GALNTL6: variants seen among roughly 807,000 people sequenced by gnomAD.
GALNTL6 encodes polypeptide N-acetylgalactosaminyltransferase-like 6.
GALNTL6 carries 46 observed loss-of-function variants against 73.7 expected under a neutral mutation model. That is an observed-to-expected ratio of 0.62 (90% CI 0.49 to 0.80). The LOEUF is 0.80. Among genes scored for constraint, GALNTL6 ranks in the 30% least tolerant of loss-of-function variants. The probability of loss-of-function intolerance (pLI) is 0.00; values close to 1 mark genes in which losing one functional copy is unlikely to be tolerated. For synonymous variants in GALNTL6, 259 were observed against 263.7 expected (o/e 0.98, Z 0.17); for missense variants, 604 against 755.0 (o/e 0.80, Z 2.34).
At chr4:172,459,468 T>C (rs1206577251) in intron 5 of GALNTL6, among the ~76,000 whole-genome samples, 1 of 152,178 alleles carries the variant, frequency 6.6e-6, no homozygotes, top group African/African-American at 2.4e-5. Context: ...GAAAACCCCA[T>C]TGTCTCAGCC....
At chr4:172,020,812 C>A (rs539581005) in intron 2 of GALNTL6, among the ~76,000 whole-genome samples, 6 of 152,036 alleles carry the variant, frequency 3.9e-5, no homozygotes, top group African/African-American at 1.2e-4. Flanking sequence ...TTCCACAAGG[C>A]CTGTATTACC....
intron 8 of GALNTL6, among the ~76,000 whole-genome samples, chr4:172,890,578 T>G (rs1407726991): frequency 2.6e-5 from 4 of 152,230 alleles, no homozygotes; most frequent in Non-Finnish European, 4.4e-5. Flanking sequence ...AATTTGATTT[T>G]TTTGAATTTA....
chr4:172,151,714 T>A (rs1734091556), intron 2 of GALNTL6, among the ~76,000 whole-genome samples: 1 of 152,008 alleles, frequency 6.6e-6, no homozygotes, highest in African/African-American at 2.4e-5. Flanking sequence ...GGGATCTTGT[T>A]AAAAGGTGGA....
At chr4:172,152,192 G>A (rs1360202535) in intron 2 of GALNTL6, among the ~76,000 whole-genome samples, 1 of 152,014 alleles carries the variant, frequency 6.6e-6, no homozygotes, top group Non-Finnish European at 1.5e-5. Flanking sequence ...TGGTCAGGCT[G>A]GTCTCAAACT....
rs372612155 is a variant in GALNTL6 at position 172,377,907 on chromosome 4, C to G, written c.553+29218C>G. 3.3e-5 allele frequency among the ~76,000 whole-genome samples: 5 copies of G among 151,976 alleles called. No individual in the cohort carries two copies. The South Asian group carries it at 8.3e-4, about 25-fold the overall frequency. ...CGCTGCACGCAGCACCAGATCCCCCCCCCCATGCCTCTTCCTCCACACCTC... is the reference window on the plus strand; with the variant it reads ...CGCTGCACGCAGCACCAGATCCCCCGCCCCATGCCTCTTCCTCCACACCTC... On this transcript the variant is annotated intron_variant, in intron 5 of 12. Transcript: ENST00000506823.
rs1298500296 is a variant in GALNTL6, at chr4:172,510,630, G to C, written c.553+161941G>C. 3.7e-5 allele frequency among the ~76,000 whole-genome samples: 2 copies of C among 54,692 alleles called. 1 individual carries two copies. The highest frequency in any genetic ancestry group is 9.1e-5 in the African/African-American group (2 of 21,964). The allele number at this position is 54,692 out of a possible 152,430, so 35.9% of individuals were successfully genotyped here. ...AGTATGTCCTTTCTATGCCAATTTT[G>C]TTGAGCATTTTAATGATAAAGGGAT... On this transcript the variant is annotated intron_variant, in intron 5 of 12. Coordinates refer to ENST00000506823, the MANE Select transcript of GALNTL6 (RefSeq NM_001034845.3).
intron 2 of GALNTL6, among the ~76,000 whole-genome samples, chr4:171,873,843 CT>C (rs1736201289): frequency 1.3e-5 from 2 of 151,956 alleles, no homozygotes; most frequent in African/African-American, 4.8e-5. Context: ...TATAGATAGC[CT>C]TTGGTAACTG....
At chr4:172,810,458 T>C (rs1382984107) in intron 6 of GALNTL6, among the ~76,000 whole-genome samples, 1 of 152,176 alleles carries the variant, frequency 6.6e-6, no homozygotes, top group Admixed American at 6.5e-5. Context: ...ACTTTTATTG[T>C]AAAAATATCC....
intron 2 of GALNTL6, among the ~76,000 whole-genome samples, chr4:171,995,656 G>A (rs1243983492): frequency 6.6e-6 from 1 of 151,876 alleles, no homozygotes; most frequent in Non-Finnish European, 1.5e-5. Context: ...CATTAGAGCA[G>A]TTTCCTTTGG....
intron 2 of GALNTL6, among the ~76,000 whole-genome samples, chr4:171,886,630 T>C (rs968026703): frequency 6.6e-6 from 1 of 152,120 alleles, no homozygotes; most frequent in Non-Finnish European, 1.5e-5. Context: ...CTCAAAATCA[T>C]GGCAGAAGGT....
chr4:172,955,997 C>T (rs1035513732), intron 10 of GALNTL6, among the ~76,000 whole-genome samples: 6 of 152,068 alleles, frequency 3.9e-5, no homozygotes. Context: ...CAGGAACCAG[C>T]CATCTGGATG....
chr4:172,734,671 G>A (rs1736349748), intron 5 of GALNTL6, among the ~76,000 whole-genome samples: 1 of 152,294 alleles, frequency 6.6e-6, no homozygotes, highest in African/African-American at 2.4e-5. Context: ...ATGGGCTGGT[G>A]TTGAGTGTCT....
chr4:172,812,253 A>C (rs527244377), intron 6 of GALNTL6, among the ~76,000 whole-genome samples: 18 of 152,352 alleles, frequency 1.2e-4, no homozygotes, highest in African/African-American at 3.8e-4. Flanking sequence ...GCAAACGGAC[A>C]GTTTCCTTAC....
intron 7 of GALNTL6, among the ~76,000 whole-genome samples, chr4:172,826,124 C>A (rs939680441): frequency 6.6e-6 from 1 of 151,968 alleles, no homozygotes; most frequent in Non-Finnish European, 1.5e-5. Flanking sequence ...TGGCTCCCAA[C>A]ACATTTGGGC....
intron 7 of GALNTL6, among the ~76,000 whole-genome samples, chr4:172,840,273 A>T (rs1486064803): frequency 6.6e-6 from 1 of 152,218 alleles, no homozygotes; most frequent in Admixed American, 6.5e-5. Flanking sequence ...TCAGACGGTC[A>T]TCATATAGAA....
chr4:172,674,816 C>A (rs1332986703), intron 5 of GALNTL6, among the ~76,000 whole-genome samples: 1 of 152,144 alleles, frequency 6.6e-6, no homozygotes, highest in Non-Finnish European at 1.5e-5. Flanking sequence ...TTTTTCAGCT[C>A]TATCATGTCA....
chr4:172,581,049 A>C (rs1271073606), intron 5 of GALNTL6, among the ~76,000 whole-genome samples: 1 of 152,246 alleles, frequency 6.6e-6, no homozygotes, highest in Non-Finnish European at 1.5e-5. Context: ...GGCGTGAGCC[A>C]CTGTGCCCGG....
chr4:172,435,444 C>G (rs1731601096), intron 5 of GALNTL6, among the ~76,000 whole-genome samples: 1 of 152,104 alleles, frequency 6.6e-6, no homozygotes, highest in Non-Finnish European at 1.5e-5. Context: ...TCAACCCTTG[C>G]AGTCCTGAAA....
At chr4:172,379,889 C>T (rs1290541231) in intron 5 of GALNTL6, 1 of 506,172 alleles carries the variant, frequency 2.0e-6, no homozygotes, top group Non-Finnish European at 3.6e-6. Flanking sequence ...TGCTAATGTG[C>T]ATTTAATCAC....
Sources: gnomAD v4.1 joint callset for allele counts (sites outside exome capture counted in the v4.1 genomes callset) on GRCh38, gnomAD v4.1.1 for gene constraint, MANE v1.5 for transcripts, NCBI Gene and HGNC (gene_info 2026-07-23, HGNC 2026-07-21) for gene names.